The following BBS12 variants were observed in gnomAD, a reference collection of about 807,000 sequenced individuals.
BBS12 encodes Bardet-Biedl syndrome 12.
In BBS12, 5 loss-of-function variants were observed where a neutral mutation model predicts 5.6. That is an observed-to-expected ratio of 0.89 (90% CI 0.46 to 1.86). BBS12 has a LOEUF of 1.86. Among genes scored for constraint, BBS12 ranks in the 40% most tolerant of loss-of-function variants. BBS12 has a pLI of 0.01. For missense variants in BBS12, 748 were observed against 830.4 expected (o/e 0.90, Z 1.22); for synonymous variants, 308 against 306.8 (o/e 1.00, Z -0.04).
At chr4:122,708,361 C>T in the BBS12 span, among the ~76,000 whole-genome samples, 1 of 152,014 alleles carries the variant, frequency 6.6e-6, no homozygotes, top group Non-Finnish European at 1.5e-5. Context: ...AGAGAGCTAC[C>T]AGCTGTTAGG....
the BBS12 span, among the ~76,000 whole-genome samples, chr4:122,704,829 T>C: frequency 6.6e-6 from 1 of 152,180 alleles, no homozygotes; most frequent in Non-Finnish European, 1.5e-5. Context: ...CATAATTGAC[T>C]TCAATTCCAA....
upstream of BBS12, chr4:122,729,459 G>A (rs1800670723): frequency 6.6e-6 from 1 of 152,210 alleles, no homozygotes; most frequent in South Asian, 2.1e-4. Flanking sequence ...AAAATACACA[G>A]TTATCTTGAA....
intron 1 of BBS12, among the ~76,000 whole-genome samples, chr4:122,737,864 A>G (rs1364740815): frequency 2.6e-5 from 4 of 152,374 alleles, no homozygotes; most frequent in Admixed American, 6.5e-5. Context: ...CCAGAAATCC[A>G]TAGACATCTA....
intron 1 of BBS12, among the ~76,000 whole-genome samples, chr4:122,735,967 T>C (rs1448551274): frequency 6.6e-6 from 1 of 151,802 alleles, no homozygotes; most frequent in Non-Finnish European, 1.5e-5. Context: ...AGCAGAAAAT[T>C]TGAGAAAATA....
At chr4:122,719,022 T>C in the BBS12 span, among the ~76,000 whole-genome samples, 1 of 152,146 alleles carries the variant, frequency 6.6e-6, no homozygotes. Flanking sequence ...AGTTTCACCA[T>C]GTTAGCCAGG....
At chr4:122,722,524 C>T in the BBS12 span, among the ~76,000 whole-genome samples, 1 of 152,132 alleles carries the variant, frequency 6.6e-6, no homozygotes, top group Non-Finnish European at 1.5e-5. Flanking sequence ...ACTTCCAACC[C>T]ATGAACATAA....
At chr4:122,716,691 GT>G in the BBS12 span, among the ~76,000 whole-genome samples, 1 of 76,292 alleles carries the variant, frequency 1.3e-5, no homozygotes, top group African/African-American at 5.4e-5. Context: ...ACACATATGT[GT>G]ATGTGTGTGT....
Position 122,742,482 on chromosome 4 carries a change from A to G in BBS12, c.590A>G (p.Tyr197Cys), listed in dbSNP as rs1424657538. ...CTTTCTGGGAGACCTCTTAAATCAT[A>G]TGAATTATTTAAACCTCAGACAAAG... ...SNLSGRPLKS[Y>C]ELFKPQTKVE... Residue 197 changes from tyrosine to cysteine, a missense_variant, in exon 2 of 2, where the codon TAT becomes TGT. Coordinates refer to ENST00000314218, the MANE Select transcript of BBS12 (RefSeq NM_152618.3). The G allele has an allele frequency of 6.2e-7, 1 of 1,614,076 alleles. No homozygotes were observed.
chr4:122,742,416 G>T lies in BBS12; in HGVS notation c.524G>T (p.Gly175Val). The change falls in exon 2 of 2, where the codon GGT (glycine) becomes GTT (valine). Residue 175 changes from glycine (G) to valine (V), a missense_variant. By Grantham distance (109) the Gly-to-Val change is moderately radical (BLOSUM62 -3). Coordinates refer to ENST00000314218, the MANE Select transcript of BBS12 (RefSeq NM_152618.3). ...SDTDLIEELHGLKDVASQTLT... is the reference protein window; with the variant it reads ...SDTDLIEELHVLKDVASQTLT... ...ACTGATTTGATAGAGGAATTGCATG[G>T]TCTCAAAGATGTTGCCTCTCAAACA... 1 of 1,614,172 alleles carries T rather than the reference G, an allele frequency of 6.2e-7. No individual in the cohort carries two copies. The highest frequency in any genetic ancestry group is 8.5e-7 in the Non-Finnish European group (1 of 1,180,022).
the BBS12 span, among the ~76,000 whole-genome samples, chr4:122,720,247 T>C: frequency 1.3e-5 from 2 of 152,166 alleles, no homozygotes; most frequent in African/African-American, 4.8e-5. Context: ...GGCCAGGAGT[T>C]CGAGACCAGC....
the BBS12 span, among the ~76,000 whole-genome samples, chr4:122,716,871 T>A: frequency 2.0e-5 from 3 of 152,134 alleles, no homozygotes; most frequent in African/African-American, 7.2e-5. Flanking sequence ...GAAGAATATA[T>A]AATTTCTTTA....
At chr4:122,730,554 G>A (rs573598805), upstream of BBS12, 1 of 152,214 alleles carries the variant, frequency 6.6e-6, no homozygotes, top group South Asian at 2.1e-4. Context: ...TATTAATAAC[G>A]AGTAGTCTTT....
chr4:122,742,288 AC>A lies in BBS12; in HGVS notation c.398del (p.Pro133LeufsTer23), dbSNP rs750185673. 1.2e-6 allele frequency: 2 copies of A among 1,613,926 alleles called. No homozygotes were observed. The highest frequency in any genetic ancestry group is 1.7e-6 in the Non-Finnish European group (2 of 1,179,950). ...GTGAAGAGGTAGTTTCTCTTCATGT[AC>A]CTGTTCACAATATATTTGACTGTAT... Reference protein sequence around the residue: ...CSEEVVSLHVPVHNIFDCMDS... With the variant: ...CSEEVVSLHVXVHNIFDCMDS... On this transcript the variant is annotated frameshift_variant, in exon 2 of 2. Coordinates refer to ENST00000314218, the MANE Select transcript of BBS12 (RefSeq NM_152618.3). LOFTEE classifies it low-confidence loss of function (END_TRUNC).
At chr4:122,710,496 T>C in the BBS12 span, among the ~76,000 whole-genome samples, 2 of 152,244 alleles carry the variant, frequency 1.3e-5, no homozygotes, top group African/African-American at 2.4e-5. Flanking sequence ...TAAGGAATTA[T>C]TCATATCCAG....
the BBS12 span, among the ~76,000 whole-genome samples, chr4:122,721,038 A>T: frequency 6.6e-6 from 1 of 152,134 alleles, no homozygotes; most frequent in Non-Finnish European, 1.5e-5. Flanking sequence ...ACTGAAATGG[A>T]ATTAAAATGC....
chr4:122,740,563 G>C (rs1327975749), intron 1 of BBS12, among the ~76,000 whole-genome samples: 1 of 152,188 alleles, frequency 6.6e-6, no homozygotes, highest in Non-Finnish European at 1.5e-5. Context: ...TGAGGGCAGA[G>C]TATGTATAAT....
upstream of BBS12, among the ~76,000 whole-genome samples, chr4:122,727,737 A>G (rs1800642895): frequency 6.6e-6 from 1 of 151,612 alleles, no homozygotes; most frequent in Non-Finnish European, 1.5e-5. Flanking sequence ...TATTTTTAGT[A>G]GAGACGGGGT....
chr4:122,728,537 G>A (rs1435350082), upstream of BBS12: 1 of 152,188 alleles, frequency 6.6e-6, no homozygotes, highest in African/African-American at 2.4e-5. Context: ...GGATAGGAAG[G>A]AGACTTTTAT....
At chr4:122,719,084 A>G in the BBS12 span, among the ~76,000 whole-genome samples, 66,248 of 152,006 alleles carry the variant, frequency 0.44, 16,066 homozygotes, top group East Asian at 0.65. Flanking sequence ...CTCCCAAAGC[A>G]CTGGGATTAT....
Sources: allele counts gnomAD v4.1 joint callset (sites outside exome capture counted in the v4.1 genomes callset), GRCh38; gene constraint gnomAD v4.1.1; transcripts MANE v1.5; gene names NCBI Gene and HGNC (gene_info 2026-07-23, HGNC 2026-07-21).